The following AKAP13 variants were observed in gnomAD, a reference collection of about 807,000 sequenced individuals.
AKAP13 encodes A-kinase anchoring protein 13.
In AKAP13, 80 loss-of-function variants were observed where a neutral mutation model predicts 264.5. The observed-to-expected ratio is 0.30, with a 90% CI of 0.25 to 0.36. AKAP13 has a LOEUF of 0.36. Among genes scored for constraint, AKAP13 ranks in the 10% least tolerant of loss-of-function variants. The pLI, the probability that AKAP13 is intolerant of heterozygous loss-of-function variation, is 1.00. For missense variants in AKAP13, 3,712 were observed against 3,435.2 expected, an observed-to-expected ratio of 1.08 and a Z score of -2.01; for synonymous variants, 1,380 against 1,250.2, an observed-to-expected ratio of 1.10 and a Z score of -2.19.
chr15:85,513,282 A>G (rs1789911514), intron 2 of AKAP13, among the ~76,000 whole-genome samples: 2 of 152,180 alleles, frequency 1.3e-5, no homozygotes, highest in South Asian at 4.1e-4. Flanking sequence ...AGCTTTCTTC[A>G]CATCTGTATT....
intron 1 of AKAP13, among the ~76,000 whole-genome samples, chr15:85,439,799 A>G (rs1259794470): frequency 1.6e-5 from 2 of 121,836 alleles, no homozygotes; most frequent in Non-Finnish European, 1.6e-5. Context: ...GAAGGGGAAT[A>G]TCACACTCTG....
chr15:85,487,975 G>A (rs2075612766), intron 2 of AKAP13, among the ~76,000 whole-genome samples: 1 of 152,216 alleles, frequency 6.6e-6, no homozygotes, highest in Non-Finnish European at 1.5e-5. Flanking sequence ...ATGACTCACT[G>A]TAGCTGCGAT....
intron 1 of AKAP13, among the ~76,000 whole-genome samples, chr15:85,418,726 T>C (rs899414451): frequency 6.6e-6 from 1 of 152,228 alleles, no homozygotes; most frequent in African/African-American, 2.4e-5. Context: ...TTTACTTCTC[T>C]GAACAGGAGA....
At chr15:85,533,210 A>G (rs1041657939) in intron 3 of AKAP13, among the ~76,000 whole-genome samples, 2 of 152,184 alleles carry the variant, frequency 1.3e-5, no homozygotes, top group East Asian at 1.9e-4. Context: ...TTCAGTAGCT[A>G]TTGGACTTTC....
At position 85,578,949 on chromosome 15, in the gene AKAP13, T is replaced by C; in HGVS notation, c.881T>C (p.Met294Thr). Residue 294 changes from methionine (M) to threonine (T), a missense_variant, in exon 7 of 37, where the codon ATG (methionine) becomes ACG (threonine). By Grantham distance (81) the Met-to-Thr change is moderately conservative (BLOSUM62 -1). This residue lies in a region of AKAP13 where 2,759 missense variants were observed against 2,411.7 expected (regional missense o/e 1.14). Coordinates refer to ENST00000394518, the MANE Select transcript of AKAP13 (RefSeq NM_007200.5). ...QQLMKTNLKQ[M>T]DSLMPLMMTA... ...TCCTAGAAAACAAACCTCAAGCAGATGGACAGTCTTATGCCCTTAATGATG... is the reference window on the plus strand; with the variant it reads ...TCCTAGAAAACAAACCTCAAGCAGACGGACAGTCTTATGCCCTTAATGATG... 1 of 1,610,692 alleles carries C rather than the reference T, an allele frequency of 6.2e-7. No homozygotes were observed. The highest frequency in any genetic ancestry group is 8.5e-7 in the Non-Finnish European group (1 of 1,177,428).
At chr15:85,682,239 C>T in intron 15 of AKAP13, 27 bp downstream of exon 15, 1 of 1,604,728 alleles carries the variant, frequency 6.2e-7, no homozygotes, top group Non-Finnish European at 8.5e-7. Flanking sequence ...ACTCCTTTTT[C>T]CAGAAATAAA....
intron 2 of AKAP13, among the ~76,000 whole-genome samples, chr15:85,500,728 T>G (rs1265339152): frequency 6.6e-6 from 1 of 152,176 alleles, no homozygotes; most frequent in East Asian, 1.9e-4. Flanking sequence ...GGGCTGTAAC[T>G]TAGGGTATTT....
intron 8 of AKAP13, chr15:85,620,183 C>T: frequency 6.5e-7 from 1 of 1,535,494 alleles, no homozygotes; most frequent in East Asian, 2.4e-5. Flanking sequence ...GTAAGGGGGG[C>T]TGCACCTCAT....
In AKAP13 at chr15:85,666,689, C is replaced by T. The variant is rs565199326; in HGVS notation, c.4992+1934C>T. On this transcript the variant is annotated intron_variant, in intron 13 of 36. Transcript: ENST00000394518. ...TCAGTCTCCCAAAGTGCTGGCATTA[C>T]AGGTGTGAGCCACTGTGCCTGGCCT... Among the ~76,000 whole-genome samples the T allele has an allele frequency of 5.9e-5, 9 of 152,328 alleles. No individual in the cohort carries two copies. In the East Asian group the frequency reaches 1.4e-3, roughly 23 times the overall value.
In AKAP13 at chr15:85,467,014, G is replaced by A. The variant is rs187806113; in HGVS notation, c.-11-18696G>A. Among the ~76,000 whole-genome samples, 8 of 151,450 alleles carry A rather than the reference G, an allele frequency of 5.3e-5. No individual in the cohort carries two copies. In the East Asian group the frequency reaches 1.4e-3, roughly 26 times the overall value. On this transcript the variant is annotated intron_variant, in intron 1 of 36. Coordinates refer to ENST00000394518, the MANE Select transcript of AKAP13 (RefSeq NM_007200.5). Reference sequence around the variant, plus strand: ...ATATCCTAGGTTTGTTAAGTAAATAGTAATTTGGAATCACTCATTACCTTC... The same window carrying A: ...ATATCCTAGGTTTGTTAAGTAAATAATAATTTGGAATCACTCATTACCTTC...
At chr15:85,462,940 C>T (rs867531354) in intron 1 of AKAP13, among the ~76,000 whole-genome samples, 10 of 137,900 alleles carry the variant, frequency 7.3e-5, no homozygotes, top group Admixed American at 8.1e-5. Context: ...AGGAGAATGG[C>T]GTGAACCCGG....
At chr15:85,485,785 G>T (rs776481552) in intron 2 of AKAP13, 32 bp downstream of exon 2, 4 of 1,603,514 alleles carry the variant, frequency 2.5e-6, no homozygotes, top group Non-Finnish European at 3.4e-6. Context: ...TTATTATTTT[G>T]TGTTTATCTG....
intron 8 of AKAP13, among the ~76,000 whole-genome samples, chr15:85,609,186 A>G (rs528735671): frequency 6.6e-6 from 1 of 152,330 alleles, no homozygotes; most frequent in Admixed American, 6.5e-5. Flanking sequence ...TGCTAACTAT[A>G]GTCACCCTTC....
Position 85,579,647 on chromosome 15 carries a change from C to G in AKAP13, c.1579C>G (p.Pro527Ala). The change falls in exon 7 of 37, where the codon CCT (proline) becomes GCT (alanine). Residue 527 changes from proline to alanine, a missense_variant. Pro to Ala is a conservative substitution (Grantham distance 27). This residue lies in a region of AKAP13 where 2,759 missense variants were observed against 2,411.7 expected (regional missense o/e 1.14). Coordinates refer to ENST00000394518, the MANE Select transcript of AKAP13 (RefSeq NM_007200.5). Reference sequence around the variant, plus strand: ...CTCTGACGTGCACGTCACAAGTAAGCCTGTGGATAAAATCAGTGTTCCAAA... The same window carrying G: ...CTCTGACGTGCACGTCACAAGTAAGGCTGTGGATAAAATCAGTGTTCCAAA... ...GASDVHVTSK[P>A]VDKISVPNCA... 1 of 1,614,194 alleles carries G rather than the reference C, an allele frequency of 6.2e-7. No homozygotes were observed. Among genetic ancestry groups the G allele is most frequent in the Non-Finnish European group, 8.5e-7 (1 of 1,180,034 alleles).
chr15:85,424,829 G>C (rs967748129), intron 1 of AKAP13, among the ~76,000 whole-genome samples: 2 of 152,134 alleles, frequency 1.3e-5, no homozygotes, highest in African/African-American at 4.8e-5. Flanking sequence ...CCATCATGGG[G>C]TTATTCATTG....
At chr15:85,674,236 T>C (rs535029970) in intron 14 of AKAP13, among the ~76,000 whole-genome samples, 1 of 152,270 alleles carries the variant, frequency 6.6e-6, no homozygotes, top group East Asian at 1.9e-4. Context: ...GTCTGAAATT[T>C]CTCAAAATCT....
At chr15:85,461,766 G>A (rs2151001471) in intron 1 of AKAP13, among the ~76,000 whole-genome samples, 1 of 152,222 alleles carries the variant, frequency 6.6e-6, no homozygotes, top group Non-Finnish European at 1.5e-5. Context: ...ACAGTTTAAA[G>A]TAGAGTGACA....
At chr15:85,711,833 G>A (rs1555462422) in intron 19 of AKAP13, among the ~76,000 whole-genome samples, 1 of 152,096 alleles carries the variant, frequency 6.6e-6, no homozygotes, top group Non-Finnish European at 1.5e-5. Flanking sequence ...TTTGTGGTGT[G>A]TGGGAGTGTG....
At position 85,736,895 on chromosome 15, in the gene AKAP13, T is replaced by G. The variant is rs183182075; in HGVS notation, c.7557+761T>G. 1.9e-3 allele frequency among the ~76,000 whole-genome samples: 281 copies of G among 146,612 alleles called. 4 individuals carry two copies. Among genetic ancestry groups the G allele is most frequent in the African/African-American group, 6.5e-3 (259 of 39,782 alleles). ...CAGTAATTTCTTATCCTTCAAGTAC[T>G]CAAGTTATATCATCATCTTTTTTTT... is the stretch of plus-strand genomic sequence containing the variant. On this transcript the variant is annotated intron_variant, in intron 33 of 36. Transcript: ENST00000394518.
Sources: allele counts gnomAD v4.1 joint callset (sites outside exome capture counted in the v4.1 genomes callset), GRCh38; gene constraint gnomAD v4.1.1; regional missense constraint gnomAD v4.1.1; transcripts MANE v1.5; gene names NCBI Gene and HGNC (gene_info 2026-07-23, HGNC 2026-07-21).